ASPH: variants seen among roughly 807,000 people sequenced by gnomAD.
ASPH encodes the protein aspartate beta-hydroxylase.
A neutral mutation model predicts 118.4 loss-of-function variants in ASPH; 100 were observed. The ratio of observed to expected loss-of-function variants is 0.84; its 90% CI spans 0.72 to 1.00. The LOEUF (loss-of-function observed/expected upper bound fraction) is 1.00. Among genes scored for constraint, ASPH ranks in the 50% least tolerant of loss-of-function variants. The pLI, the probability that ASPH is intolerant of heterozygous loss-of-function variation, is 0.00. For synonymous variants in ASPH, 315 were observed against 325.6 expected, an observed-to-expected ratio of 0.97 and a Z score of 0.35; for missense variants, 920 against 919.5, an observed-to-expected ratio of 1.00 and a Z score of -0.01.
At chr8:61,635,465 C>G (rs895596100) in intron 12 of ASPH, among the ~76,000 whole-genome samples, 41 of 152,222 alleles carry the variant, frequency 2.7e-4, no homozygotes, top group African/African-American at 9.9e-4. Context: ...TTCAACCCCC[C>G]ACTTGATACT....
chr8:61,653,626 G>A lies in ASPH; in HGVS notation c.357C>T (p.Val119=), dbSNP rs763205279. The A allele has an allele frequency of 3.7e-6, 6 of 1,613,788 alleles. No individual in the cohort carries two copies. Among genetic ancestry groups the A allele is most frequent in the Admixed American group, 1.7e-5 (1 of 59,970 alleles). ...LKERSTSEPA[V]PPEEAEPHTE... is the part of the protein sequence containing the mutation. Reference sequence around the variant, plus strand: ...TGTGTGGCTCAGCCTCTTCTGGCGGGACTGCTGGCTCTGAAGTAGATCTCT... The same window carrying A: ...TGTGTGGCTCAGCCTCTTCTGGCGGAACTGCTGGCTCTGAAGTAGATCTCT... Residue 119 remains valine (V), a synonymous_variant, in exon 4 of 25, where the codon GTC becomes GTT. Transcript: ENST00000379454.
intron 22 of ASPH, among the ~76,000 whole-genome samples, chr8:61,525,049 T>C (rs1814754444): frequency 6.6e-6 from 1 of 152,172 alleles, no homozygotes; most frequent in Admixed American, 6.6e-5. Context: ...GATGGAAGTA[T>C]CCCTGAAAAC....
At chr8:61,655,825 T>G (rs1813391607) in intron 3 of ASPH, among the ~76,000 whole-genome samples, 1 of 152,188 alleles carries the variant, frequency 6.6e-6, no homozygotes, top group South Asian at 2.1e-4. Context: ...TACCTGGTCA[T>G]AGCTATTTCC....
At chr8:61,714,012 A>G (rs947110136) in intron 1 of ASPH, among the ~76,000 whole-genome samples, 10 of 152,262 alleles carry the variant, frequency 6.6e-5, no homozygotes, top group Admixed American at 1.3e-4. Flanking sequence ...TGCGCCCTGC[A>G]GGTGAAGGAA....
intron 15 of ASPH, chr8:61,578,133 G>C: frequency 7.1e-7 from 1 of 1,405,360 alleles, no homozygotes; most frequent in Admixed American, 2.6e-5. Context: ...ATTCAAAATG[G>C]GAGAAATTGG....
chr8:61,652,516 A>C (rs1811531080), intron 4 of ASPH, among the ~76,000 whole-genome samples: 1 of 151,382 alleles, frequency 6.6e-6, no homozygotes, highest in African/African-American at 2.4e-5. Flanking sequence ...CAGAAGCTGG[A>C]GTGTAATGGG....
chr8:61,504,445 TTCAAGTTACTATATTATCA>T (rs1805645100), intron 24 of ASPH, among the ~76,000 whole-genome samples: 1 of 152,236 alleles, frequency 6.6e-6, no homozygotes, highest in East Asian at 1.9e-4. Flanking sequence ...CTAGCTTGAT[TTCAAGTTACTATATTATCA>T]TAAAGAGGTT....
At chr8:61,516,086 G>A (rs143606872) in intron 24 of ASPH, among the ~76,000 whole-genome samples, 117 of 152,248 alleles carry the variant, frequency 7.7e-4, no homozygotes, top group African/African-American at 2.7e-3. Context: ...ATACACTGCT[G>A]GCTGCTGAAT....
chr8:61,503,224 G>A lies in ASPH; in HGVS notation c.*135C>T, dbSNP rs888738621. 4.7e-6 allele frequency: 5 copies of A among 1,056,400 alleles called. No individual in the cohort carries two copies. The East Asian group carries it at 8.5e-5, about 18-fold the overall frequency. The allele number at this position is 1,056,400 out of a possible 1,614,324, so 65.4% of individuals were successfully genotyped here. ...CCTTTAGTGTCTTCTGACCCTAGGA[G>A]GAGGCTTTGAATTACTCGGGCTGCA... On this transcript the variant is annotated 3_prime_UTR_variant, in exon 25 of 25. Coordinates refer to ENST00000379454, the MANE Select transcript of ASPH (RefSeq NM_004318.4).
At chr8:61,689,739 A>G (rs1008811312) in intron 1 of ASPH, 1 of 1,546,876 alleles carries the variant, frequency 6.5e-7, no homozygotes, top group Admixed American at 2.0e-5. Context: ...AACAAAACAA[A>G]AAAAAAAACT....
chr8:61,607,257 A>G, intron 14 of ASPH: 1 of 702,308 alleles, frequency 1.4e-6, no homozygotes, highest in Non-Finnish European at 2.6e-6. Context: ...CAACACATGA[A>G]AGGATGGCTG....
At chr8:61,698,491 C>G (rs1467104212) in intron 1 of ASPH, among the ~76,000 whole-genome samples, 1 of 152,258 alleles carries the variant, frequency 6.6e-6, no homozygotes, top group African/African-American at 2.4e-5. Flanking sequence ...TAATCTTTGT[C>G]AGCTATCTGG....
At chr8:61,682,834 A>C (rs1314071084) in intron 2 of ASPH, among the ~76,000 whole-genome samples, 1 of 152,150 alleles carries the variant, frequency 6.6e-6, no homozygotes, top group South Asian at 2.1e-4. Flanking sequence ...ATGCAAGGGG[A>C]TATCACCCAT....
At chr8:61,635,841 A>G (rs1564116419) in intron 12 of ASPH, among the ~76,000 whole-genome samples, 1 of 152,106 alleles carries the variant, frequency 6.6e-6, no homozygotes, top group Non-Finnish European at 1.5e-5. Context: ...TTAGTACACA[A>G]TATTTTCCTA....
At chr8:61,624,696 A>G in intron 13 of ASPH, 2 of 985,690 alleles carry the variant, frequency 2.0e-6, no homozygotes, top group Non-Finnish European at 2.4e-6. Flanking sequence ...TAACCACAGC[A>G]TAATGAATCC....
In ASPH at chr8:61,562,749, C is replaced by T; in HGVS notation, c.1432G>A (p.Glu478Lys). The change falls in exon 18 of 25, where the codon GAA becomes AAA. Residue 478 changes from glutamate (E) to lysine (K), a missense_variant. Glu to Lys is a moderately conservative substitution (Grantham distance 56, BLOSUM62 1). Transcript: ENST00000379454. ...AATACAAGATTGATGCTTACCTCTTCATAAACTTTCTTTGCATTGTCATTA... is the reference window on the plus strand; with the variant it reads ...AATACAAGATTGATGCTTACCTCTTTATAAACTTTCTTTGCATTGTCATTA... ...GDNDNAKKVYEEVLSVTPNDG... is the reference protein window; with the variant it reads ...GDNDNAKKVYKEVLSVTPNDG... 1 of 1,606,202 alleles carries T rather than the reference C, an allele frequency of 6.2e-7. No homozygotes were observed. Among genetic ancestry groups the T allele is most frequent in the Middle Eastern group, 1.7e-4 (1 of 6,016 alleles).
chr8:61,602,415 A>T (rs905848848), intron 14 of ASPH, among the ~76,000 whole-genome samples: 1 of 151,448 alleles, frequency 6.6e-6, no homozygotes, highest in Non-Finnish European at 1.5e-5. Flanking sequence ...TCCTGAAAAA[A>T]AACTTTAAGC....
chr8:61,704,918 TTTC>T (rs765918744), intron 1 of ASPH, among the ~76,000 whole-genome samples: 31 of 152,126 alleles, frequency 2.0e-4, no homozygotes, highest in Non-Finnish European at 3.4e-4. Context: ...AGTTGAACAG[TTTC>T]TTAATAAAAC....
intron 14 of ASPH, among the ~76,000 whole-genome samples, chr8:61,601,630 C>T (rs149123021): frequency 0.017 from 2,557 of 148,644 alleles, 52 homozygotes; most frequent in South Asian, 0.041. Context: ...TAATAAAGAT[C>T]AAGGTACATA....
Sources: gnomAD v4.1 joint callset for allele counts (sites outside exome capture counted in the v4.1 genomes callset) on GRCh38, gnomAD v4.1.1 for gene constraint, MANE v1.5 for transcripts, NCBI Gene and HGNC (gene_info 2026-07-23, HGNC 2026-07-21) for gene names.